TACC1: variants seen among roughly 807,000 people sequenced by gnomAD.
TACC1 encodes transforming acidic coiled-coil-containing protein 1.
TACC1 carries 48 observed loss-of-function variants against 84.4 expected under a neutral mutation model. The observed-to-expected ratio is 0.57, with a 90% CI of 0.45 to 0.72. The LOEUF is 0.72. Among genes scored for constraint, TACC1 ranks in the 30% least tolerant of loss-of-function variants. The pLI, the probability that TACC1 is intolerant of heterozygous loss-of-function variation, is 0.00. For synonymous variants in TACC1, 372 were observed against 376.3 expected (o/e 0.99, Z 0.13); for missense variants, 920 against 973.0 (o/e 0.95, Z 0.72).
Position 38,831,133 on chromosome 8 carries a change from A to G in TACC1, c.1669A>G (p.Lys557Glu). ...ATGACTTTCTGTCTTAGGCATAGAG[A>G]AGGAGACGTGCCAGAAGATGGAAGA... is the stretch of plus-strand genomic sequence containing the variant. ...AFSSSEAGIE[K>E]ETCQKMEEDG... is the part of the protein sequence containing the mutation. The change falls in exon 6 of 13, where the codon AAG becomes GAG. Residue 557 changes from lysine to glutamate, a missense_variant. Physicochemically the swap from Lys to Glu is moderately conservative, Grantham distance 56. This residue lies in a region of TACC1 where 762 missense variants were observed against 747.3 expected (regional missense o/e 1.02). Transcript: ENST00000317827. 6.2e-7 allele frequency: 1 copy of G among 1,614,210 alleles called. No individual in the cohort carries two copies. Among genetic ancestry groups the G allele is most frequent in the Non-Finnish European group, 8.5e-7 (1 of 1,180,006 alleles).
intron 3 of TACC1, among the ~76,000 whole-genome samples, chr8:38,766,303 T>C (rs999005675): frequency 6.6e-5 from 10 of 152,262 alleles, no homozygotes; most frequent in African/African-American, 2.4e-4. Context: ...TTATCAATCT[T>C]ATATGTCTGC....
intron 5 of TACC1, among the ~76,000 whole-genome samples, chr8:38,828,736 T>C (rs1828652000): frequency 6.6e-6 from 1 of 152,194 alleles, no homozygotes; most frequent in African/African-American, 2.4e-5. Flanking sequence ...CCGAGAGACC[T>C]CCCTGCTTCT....
At chr8:38,774,663 T>TTTTTTG (rs1360250807) in intron 3 of TACC1, among the ~76,000 whole-genome samples, 2 of 152,152 alleles carry the variant, frequency 1.3e-5, no homozygotes, top group African/African-American at 2.4e-5. Flanking sequence ...AGGCTAATTT[T>TTTTTTG]TTTTTGTTTT....
intron 2 of TACC1, among the ~76,000 whole-genome samples, chr8:38,801,776 T>C (rs74576327): frequency 7.9e-5 from 12 of 152,250 alleles, no homozygotes; most frequent in Admixed American, 2.6e-4. Context: ...GATTTTGATA[T>C]GGATTGTATT....
chr8:38,756,901 GC>G (rs1218024508), intron 3 of TACC1, among the ~76,000 whole-genome samples: 5 of 152,200 alleles, frequency 3.3e-5, no homozygotes, highest in African/African-American at 9.6e-5. Flanking sequence ...AGCTCCCGGG[GC>G]CTCTTCCCGC....
At chr8:38,779,034 C>T (rs1815423033) in intron 3 of TACC1, among the ~76,000 whole-genome samples, 1 of 150,254 alleles carries the variant, frequency 6.7e-6, no homozygotes, top group Non-Finnish European at 1.5e-5. Flanking sequence ...ATCTGGAATG[C>T]AATGCCACAA....
intron 1 of TACC1, among the ~76,000 whole-genome samples, chr8:38,741,451 G>A (rs573636281): frequency 2.3e-4 from 35 of 152,236 alleles, no homozygotes; most frequent in Non-Finnish European, 4.7e-4. Context: ...GAGCCGCCGC[G>A]CCTGGCCCAT....
intron 2 of TACC1, among the ~76,000 whole-genome samples, chr8:38,817,355 G>A (rs2152180287): frequency 6.6e-6 from 1 of 152,336 alleles, no homozygotes; most frequent in Non-Finnish European, 1.5e-5. Context: ...CATGGACAGA[G>A]ATAATAGACT....
At chr8:38,741,450 C>T (rs974194512) in intron 1 of TACC1, among the ~76,000 whole-genome samples, 7 of 152,154 alleles carry the variant, frequency 4.6e-5, no homozygotes, top group African/African-American at 1.7e-4. Context: ...GGAGCCGCCG[C>T]GCCTGGCCCA....
At chr8:38,813,150 T>C (rs1177704513) in intron 2 of TACC1, among the ~76,000 whole-genome samples, 5 of 152,224 alleles carry the variant, frequency 3.3e-5, no homozygotes, top group African/African-American at 1.2e-4. Context: ...AGACTAAATA[T>C]CTTAGACTAA....
upstream of TACC1, among the ~76,000 whole-genome samples, chr8:38,782,928 C>T (rs561382361): frequency 1.3e-5 from 2 of 152,164 alleles, no homozygotes; most frequent in African/African-American, 4.8e-5. Flanking sequence ...ACAACTGCTT[C>T]TTTAATATGT....
Position 38,844,153 on chromosome 8 carries a change from G to T in TACC1, c.2228+758G>T, listed in dbSNP as rs542951327. On this transcript the variant is annotated intron_variant, in intron 11 of 12. Transcript: ENST00000317827. Reference sequence around the variant, plus strand: ...GTATTTGTTTTTGGCAAGCAACAGAGCATTTATTTATTTATTTTATTATTA... The same window carrying T: ...GTATTTGTTTTTGGCAAGCAACAGATCATTTATTTATTTATTTTATTATTA... 3.9e-5 allele frequency among the ~76,000 whole-genome samples: 6 copies of T among 152,032 alleles called. No homozygotes were observed. In the South Asian group the frequency reaches 1.2e-3, roughly 32 times the overall value.
chr8:38,769,557 AGTGTGGTGTGTGTATGACTGT>A (rs1249725966), intron 3 of TACC1, among the ~76,000 whole-genome samples: 1 of 65,096 alleles, frequency 1.5e-5, no homozygotes, highest in African/African-American at 6.1e-5. Flanking sequence ...TGGGGGTGGG[AGTGTGGTGTGTGTATGACTGT>A]GTGTGGTGTA....
intron 2 of TACC1, among the ~76,000 whole-genome samples, chr8:38,813,866 C>T (rs1443623283): frequency 6.6e-6 from 1 of 152,184 alleles, no homozygotes; most frequent in Non-Finnish European, 1.5e-5. Flanking sequence ...AATCCACTCA[C>T]ACTAGCTCAA....
At chr8:38,847,851 G>T in intron 12 of TACC1, 104 bp from the exon 13 acceptor site, 1 of 854,246 alleles carries the variant, frequency 1.2e-6, no homozygotes, top group Non-Finnish European at 1.8e-6. Flanking sequence ...CACTGAATTA[G>T]GATGTCTAGG....
chr8:38,811,051 G>C (rs888876732), intron 2 of TACC1, among the ~76,000 whole-genome samples: 6 of 152,114 alleles, frequency 3.9e-5, no homozygotes, highest in Non-Finnish European at 5.9e-5. Flanking sequence ...CCAGGAGGTC[G>C]AGATTGGAGT....
intron 10 of TACC1, 95 bp from the exon 11 acceptor site, chr8:38,843,194 G>C (rs1280739658): frequency 3.7e-6 from 3 of 817,790 alleles, no homozygotes; most frequent in Non-Finnish European, 3.8e-6. Flanking sequence ...GAATTAATTA[G>C]ATTTTTCCAT....
At chr8:38,752,371 TGAG>T (rs1209963751) in intron 3 of TACC1, among the ~76,000 whole-genome samples, 5 of 152,034 alleles carry the variant, frequency 3.3e-5, no homozygotes, top group African/African-American at 1.2e-4. Context: ...CTCGGGAGGC[TGAG>T]GGAGGAGAAT....
chr8:38,737,184 A>C (rs1806127607), intron 1 of TACC1, among the ~76,000 whole-genome samples: 1 of 152,104 alleles, frequency 6.6e-6, no homozygotes, highest in African/African-American at 2.4e-5. Flanking sequence ...AAGTCTTGGC[A>C]CTCAATCTAA....
Sources: allele counts gnomAD v4.1 joint callset (sites outside exome capture counted in the v4.1 genomes callset), GRCh38; gene constraint gnomAD v4.1.1; regional missense constraint gnomAD v4.1.1; transcripts MANE v1.5; gene names NCBI Gene and HGNC (gene_info 2026-07-23, HGNC 2026-07-21).